Variants in CTNNA1 observed in about 807,000 individuals in gnomAD.
CTNNA1 encodes catenin alpha 1, also known as catenin alpha-1.
In CTNNA1, 37 loss-of-function variants were observed where a neutral mutation model predicts 98.4. The ratio of observed to expected loss-of-function variants is 0.38; its 90% confidence interval spans 0.29 to 0.49. The LOEUF is 0.49. Among genes scored for constraint, CTNNA1 ranks in the 20% least tolerant of loss-of-function variants. The probability of loss-of-function intolerance (pLI) is 0.95; values close to 1 mark genes in which losing one functional copy is unlikely to be tolerated. For synonymous variants in CTNNA1, 404 were observed against 413.2 expected, an observed-to-expected ratio of 0.98 and a Z score of 0.27; for missense variants, 761 against 1,147.2, an observed-to-expected ratio of 0.66 and a Z score of 4.86.
chr5:138,755,845 C>CTTTTTTTTTT (rs60260246), intron 1 of CTNNA1, among the ~76,000 whole-genome samples: 9 of 58,460 alleles, frequency 1.5e-4, no homozygotes, highest in Admixed American at 5.1e-4. Context: ...GGATTTCCTT[C>CTTTTTTTTTT]TTTTTTTTTT....
intron 3 of CTNNA1, chr5:138,790,857 C>G (rs1007739888): frequency 3.9e-5 from 6 of 152,202 alleles, no homozygotes; most frequent in Non-Finnish European, 7.3e-5. Flanking sequence ...GTTTGACCTT[C>G]ATTTTGTGAC....
In CTNNA1 at chr5:138,824,590, A is replaced by T; in HGVS notation, c.649A>T (p.Asn217Tyr). The T allele has an allele frequency of 6.2e-7, 1 of 1,614,228 alleles. No individual in the cohort carries two copies. The highest frequency in any genetic ancestry group is 8.5e-7 in the Non-Finnish European group (1 of 1,180,036). Residue 217 changes from asparagine (N) to tyrosine (Y), a missense_variant, in exon 6 of 18, where the codon AAC becomes TAC. By Grantham distance (143) the Asn-to-Tyr change is moderately radical. Coordinates refer to ENST00000302763, the MANE Select transcript of CTNNA1 (RefSeq NM_001903.5). ...TGCAGCTAGAGGAATCCTGCAGAAG[A>T]ACGTTCCGATCCTCTATACTGCATC... ...MAAARGILQK[N>Y]VPILYTASQA...
rs544740914 is a variant in CTNNA1, at chr5:138,756,282, C to T, written c.-3+2772C>T. On this transcript the variant is annotated intron_variant, in intron 1 of 17. Coordinates refer to ENST00000302763, the MANE Select transcript of CTNNA1 (RefSeq NM_001903.5). ...AAACTCCTGACCTCGTGATCCACCT[C>T]GGCCTCCCAAAGTGCTGGGATTGCA... 4.6e-5 allele frequency among the ~76,000 whole-genome samples: 7 copies of T among 152,112 alleles called. 1 individual carries two copies. The highest frequency in any genetic ancestry group is 3.9e-4 in the East Asian group (2 of 5,164).
intron 7 of CTNNA1, among the ~76,000 whole-genome samples, chr5:138,838,752 C>T (rs1289815578): frequency 2.0e-5 from 3 of 151,950 alleles, no homozygotes; most frequent in Admixed American, 6.6e-5. Context: ...AATTCTGATA[C>T]GTTGTATTTT....
At position 138,775,187 on chromosome 5, in the gene CTNNA1, G is replaced by A. The variant is rs529540461; in HGVS notation, c.-2-6736G>A. Among the ~76,000 whole-genome samples, 21 of 152,272 alleles carry A rather than the reference G, an allele frequency of 1.4e-4. No homozygotes were observed. In the South Asian group the frequency reaches 4.4e-3, roughly 32 times the overall value. ...GGTTCTGTGTTTTGTTTGTGTTAAT[G>A]CAGTATCTCTGGAATGCTAGGATAT... On this transcript the variant is annotated intron_variant, in intron 1 of 17. Transcript: ENST00000302763.
chr5:138,819,684 C>A lies in CTNNA1; in HGVS notation c.589-4846C>A, dbSNP rs116854735. ...TGCCATTTCCTTGGATTCAGGGCAC[C>A]GCTTCAAGTTGGGCACTAGTGTGGG... On this transcript the variant is annotated intron_variant, in intron 5 of 17. Transcript: ENST00000302763. 2.0e-5 allele frequency among the ~76,000 whole-genome samples: 3 copies of A among 152,200 alleles called. No individual in the cohort carries two copies. The East Asian group carries it at 5.8e-4, about 29-fold the overall frequency.
rs1447248230 is a variant in CTNNA1, at chr5:138,874,861, C to T, written c.1063-11351C>T. On this transcript the variant is annotated intron_variant, in intron 7 of 17. Coordinates refer to ENST00000302763, the MANE Select transcript of CTNNA1 (RefSeq NM_001903.5). This position sits in a 1 kb window ranked among gnomAD's most constrained non-coding sequence, Gnocchi z 4.1. ...TGAATTCGGTAGCTTATTTTAAAAG[C>T]GTGATTCCTTGTTGAATGTACAAGA... is the stretch of plus-strand genomic sequence containing the variant. The T allele has an allele frequency of 3.9e-6, 6 of 1,553,634 alleles. No homozygotes were observed. Among genetic ancestry groups the T allele is most frequent in the East Asian group, 4.5e-5 (2 of 44,528 alleles).
At chr5:138,913,370 G>C (rs985671729) in intron 10 of CTNNA1, among the ~76,000 whole-genome samples, 1 of 152,058 alleles carries the variant, frequency 6.6e-6, no homozygotes, top group Non-Finnish European at 1.5e-5. Flanking sequence ...GACCACCTGA[G>C]GTTGGGAGTT....
At chr5:138,892,048 G>A (rs1055009774) in intron 9 of CTNNA1, among the ~76,000 whole-genome samples, 1 of 152,154 alleles carries the variant, frequency 6.6e-6, no homozygotes, top group Non-Finnish European at 1.5e-5. Flanking sequence ...CCTCCTTCGA[G>A]TTGTCCAGCC....
intron 1 of CTNNA1, among the ~76,000 whole-genome samples, chr5:138,775,624 T>C (rs917219487): frequency 6.6e-6 from 1 of 152,170 alleles, no homozygotes; most frequent in African/African-American, 2.4e-5. Context: ...TTTTGTCAAT[T>C]GTCTCAATGT....
At chr5:138,832,876 C>T (rs903382973) in intron 7 of CTNNA1, among the ~76,000 whole-genome samples, 4 of 152,162 alleles carry the variant, frequency 2.6e-5, no homozygotes, top group African/African-American at 9.7e-5. Flanking sequence ...TTTTAATGTT[C>T]TCTGAGTTAT....
chr5:138,887,707 C>T (rs1581485726), intron 9 of CTNNA1, 65 bp downstream of exon 9: 10 of 1,394,878 alleles, frequency 7.2e-6, no homozygotes, highest in African/African-American at 1.4e-5. Context: ...GTTTTAATCA[C>T]ATTATTTAAT....
chr5:138,848,199 C>T (rs1762895002), intron 7 of CTNNA1, among the ~76,000 whole-genome samples: 1 of 152,188 alleles, frequency 6.6e-6, no homozygotes, highest in Non-Finnish European at 1.5e-5. Flanking sequence ...TGAAAAGTTA[C>T]CTAAGCTTTC....
chr5:138,867,167 C>G (rs1764866289), intron 7 of CTNNA1, among the ~76,000 whole-genome samples: 1 of 152,198 alleles, frequency 6.6e-6, no homozygotes, highest in African/African-American at 2.4e-5. Flanking sequence ...CACCTATGCC[C>G]TCTAGTGCTT....
chr5:138,797,075 A>G (rs1022956131), intron 3 of CTNNA1, among the ~76,000 whole-genome samples: 5 of 152,214 alleles, frequency 3.3e-5, no homozygotes, highest in East Asian at 3.8e-4. Flanking sequence ...AAGCTTTTAC[A>G]GAAAGATTTT....
In CTNNA1 at chr5:138,917,912, T is replaced by C; in HGVS notation, c.1546+14T>C. The C allele has an allele frequency of 1.2e-6, 2 of 1,612,822 alleles. No homozygotes were observed. The highest frequency in any genetic ancestry group is 1.7e-6 in the Non-Finnish European group (2 of 1,179,000). On this transcript the variant is annotated intron_variant, in intron 11 of 17. Transcript: ENST00000302763. The stretch of plus-strand genomic sequence containing the variant: ...TGGCTGTCTCAGGTAATGAGCTGGT[T>C]CCCCAGAGAAGTATGTGAAGATGTT...
chr5:138,800,323 G>A (rs1278631048), intron 3 of CTNNA1, among the ~76,000 whole-genome samples: 1 of 152,160 alleles, frequency 6.6e-6, no homozygotes, highest in East Asian at 1.9e-4. Flanking sequence ...TCGAGAAAAA[G>A]CAAAGTCATT....
At chr5:138,806,694 ACTC>A (rs1230957347) in intron 3 of CTNNA1, among the ~76,000 whole-genome samples, 3 of 151,494 alleles carry the variant, frequency 2.0e-5, no homozygotes, top group Non-Finnish European at 4.4e-5. Flanking sequence ...CATATCCCTT[ACTC>A]CTCAGTTAGA....
rs753714506 is a variant in CTNNA1 at position 138,932,637 on chromosome 5, C to T, written c.2358C>T (p.Tyr786=). The change falls in exon 17 of 18, where the codon TAC becomes TAT. Residue 786 remains tyrosine (Y), a synonymous_variant. Transcript: ENST00000302763. The stretch of plus-strand genomic sequence containing the variant: ...CCTACCTGCAACGCATCGCCCTCTA[C>T]TGCCACCAGCTGAACATCTGCAGCA... ...LLAYLQRIAL[Y]CHQLNICSKV... 5.0e-6 allele frequency: 8 copies of T among 1,614,116 alleles called. No individual in the cohort carries two copies. In the Admixed American group the frequency reaches 6.7e-5, roughly 13 times the overall value.
Sources: gnomAD v4.1 joint callset for allele counts (sites outside exome capture counted in the v4.1 genomes callset) on GRCh38, gnomAD v4.1.1 for gene constraint, Gnocchi (gnomAD v3.1) non-coding constraint, MANE v1.5 for transcripts, NCBI Gene and HGNC (gene_info 2026-07-23, HGNC 2026-07-21) for gene names.